The following GCNT2 variants were observed in gnomAD, a reference collection of about 807,000 sequenced individuals.
GCNT2 encodes the protein glucosaminyl (N-acetyl) transferase 2 (I blood group), also known as N-acetyllactosaminide beta-1,6-N-acetylglucosaminyl-transferase.
A neutral mutation model predicts 34.2 loss-of-function variants in GCNT2; 34 were observed. The observed-to-expected ratio is 1.00, with a 90% CI of 0.76 to 1.32. The LOEUF (loss-of-function observed/expected upper bound fraction) is 1.32. Among genes scored for constraint, GCNT2 ranks in the 40% most tolerant of loss-of-function variants. GCNT2 has a pLI of 0.00. For missense variants in GCNT2, 584 were observed against 489.4 expected, an observed-to-expected ratio of 1.19 and a Z score of -1.82; for synonymous variants, 212 against 188.0, an observed-to-expected ratio of 1.13 and a Z score of -1.04.
Position 10,529,537 on chromosome 6 carries a change from G to A in GCNT2, c.626G>A (p.Gly209Glu). The change falls in exon 3 of 5, where the codon GGA (glycine) becomes GAA (glutamate). Residue 209 changes from glycine to glutamate, a missense_variant. Physicochemically the swap from Gly to Glu is moderately conservative, Grantham distance 98 (BLOSUM62 -2). Coordinates refer to ENST00000495262, the MANE Select transcript of GCNT2 (RefSeq NM_145649.5). Reference sequence around the variant, plus strand: ...AGGGAAATAGTTCAGTATCTGAAGGGATTTAAAGGGAAAAATATCACCCCC... The same window carrying A: ...AGGGAAATAGTTCAGTATCTGAAGGAATTTAAAGGGAAAAATATCACCCCC... ...TNREIVQYLKGFKGKNITPGV... is the reference protein window; with the variant it reads ...TNREIVQYLKEFKGKNITPGV... 1.2e-6 allele frequency: 2 copies of A among 1,614,122 alleles called. No homozygotes were observed. The highest frequency in any genetic ancestry group is 8.5e-7 in the Non-Finnish European group (1 of 1,180,002).
At chr6:10,588,323 G>A (rs187790151) in intron 3 of GCNT2, among the ~76,000 whole-genome samples, 38 of 152,300 alleles carry the variant, frequency 2.5e-4, no homozygotes, top group African/African-American at 8.4e-4. Context: ...TACTGCATGC[G>A]TGGCATTTAA....
At chr6:10,623,799 A>G (rs946693350) in intron 4 of GCNT2, among the ~76,000 whole-genome samples, 3 of 152,170 alleles carry the variant, frequency 2.0e-5, no homozygotes, top group Non-Finnish European at 2.9e-5. Context: ...CACCTAAACC[A>G]TGTTGTTTTT....
At chr6:10,537,726 ACAAAAC>A (rs1561784312) in intron 3 of GCNT2, among the ~76,000 whole-genome samples, 22 of 109,688 alleles carry the variant, frequency 2.0e-4, no homozygotes, top group African/African-American at 8.0e-4. Flanking sequence ...AAAAAAAAAA[ACAAAAC>A]AAAGAAAACG....
intron 4 of GCNT2, 53 bp downstream of exon 4, chr6:10,621,496 A>G: frequency 8.7e-7 from 1 of 1,155,100 alleles, no homozygotes. Flanking sequence ...GTTAGCAGGA[A>G]GGTAGCTGTG....
chr6:10,579,341 A>C (rs922301300), intron 3 of GCNT2, among the ~76,000 whole-genome samples: 2 of 152,220 alleles, frequency 1.3e-5, no homozygotes, highest in African/African-American at 4.8e-5. Flanking sequence ...TTTAAATAGA[A>C]TGTGCAGAAT....
At chr6:10,539,935 G>A (rs928663564) in intron 3 of GCNT2, among the ~76,000 whole-genome samples, 8 of 152,158 alleles carry the variant, frequency 5.3e-5, no homozygotes, top group South Asian at 2.1e-4. Flanking sequence ...AAAGTTAACC[G>A]GGCTTGGAGG....
intron 3 of GCNT2, among the ~76,000 whole-genome samples, chr6:10,563,744 A>G (rs1030249146): frequency 1.3e-4 from 6 of 46,746 alleles, no homozygotes; most frequent in African/African-American, 4.1e-4. Flanking sequence ...TCCATCTCAA[A>G]AAAAGAAAAA....
At chr6:10,587,859 G>A (rs1212921438) in intron 3 of GCNT2, among the ~76,000 whole-genome samples, 1 of 152,092 alleles carries the variant, frequency 6.6e-6, no homozygotes, top group African/African-American at 2.4e-5. Flanking sequence ...TGGTTCTCAT[G>A]AGCACAGTGA....
chr6:10,543,035 G>A lies in GCNT2; in HGVS notation c.925+13199G>A, dbSNP rs189674764. 5.3e-3 allele frequency among the ~76,000 whole-genome samples: 802 copies of A among 150,768 alleles called. 22 individuals carry two copies. Among genetic ancestry groups the A allele is most frequent in the Admixed American group, 0.034 (517 of 15,038 alleles). On this transcript the variant is annotated intron_variant, in intron 3 of 4. Transcript: ENST00000495262. ...CGATTCTCCTACCTCAGCCTCCCAA[G>A]TAGCTGGGATTACAGGCATGCGCCA...
intron 3 of GCNT2, among the ~76,000 whole-genome samples, chr6:10,614,015 A>G (rs1765664525): frequency 6.6e-6 from 1 of 152,194 alleles, no homozygotes; most frequent in Non-Finnish European, 1.5e-5. Context: ...GCAACTGGAC[A>G]TTGGCAAGAG....
intron 3 of GCNT2, chr6:10,586,366 T>C: frequency 6.2e-7 from 1 of 1,614,156 alleles, no homozygotes; most frequent in South Asian, 1.1e-5. Context: ...GTCTACTGTG[T>C]TCACGTGGAT....
chr6:10,549,419 G>A (rs534694663), intron 3 of GCNT2, among the ~76,000 whole-genome samples: 5 of 152,232 alleles, frequency 3.3e-5, no homozygotes, highest in African/African-American at 1.2e-4. Context: ...CTCAACTTTA[G>A]TAGACATTGT....
chr6:10,560,265 A>G (rs1172044003), intron 3 of GCNT2, among the ~76,000 whole-genome samples: 2 of 150,436 alleles, frequency 1.3e-5, no homozygotes, highest in Non-Finnish European at 3.0e-5. Context: ...ATTTTTTTGT[A>G]TTTTAGTAGA....
intron 3 of GCNT2, among the ~76,000 whole-genome samples, chr6:10,538,997 A>G (rs1761912634): frequency 6.6e-6 from 1 of 152,146 alleles, no homozygotes; most frequent in Non-Finnish European, 1.5e-5. Flanking sequence ...GCCCAGCTGG[A>G]GTATAGTCAG....
At chr6:10,591,554 C>CAAG (rs1478623583) in intron 3 of GCNT2, among the ~76,000 whole-genome samples, 1 of 152,212 alleles carries the variant, frequency 6.6e-6, no homozygotes, top group African/African-American at 2.4e-5. Flanking sequence ...ATGATGCAGT[C>CAAG]GGATTCTGAT....
chr6:10,597,893 A>T (rs138062483), intron 3 of GCNT2, among the ~76,000 whole-genome samples: 2 of 152,390 alleles, frequency 1.3e-5, no homozygotes, highest in African/African-American at 4.8e-5. Flanking sequence ...AGTAAGGATT[A>T]TGAGCCATGC....
chr6:10,550,637 G>A (rs1423358968), intron 3 of GCNT2, among the ~76,000 whole-genome samples: 1 of 152,070 alleles, frequency 6.6e-6, no homozygotes, highest in Non-Finnish European at 1.5e-5. Context: ...ATGCACCACT[G>A]TGCCTGGCTA....
chr6:10,539,531 G>GC, intron 3 of GCNT2, among the ~76,000 whole-genome samples: 1 of 152,058 alleles, frequency 6.6e-6, no homozygotes, highest in Non-Finnish European at 1.5e-5. Context: ...ATTTCACTGA[G>GC]CCTGATTCTT....
chr6:10,560,767 G>A (rs1029742534), intron 3 of GCNT2, among the ~76,000 whole-genome samples: 3 of 151,890 alleles, frequency 2.0e-5, no homozygotes, highest in Admixed American at 6.6e-5. Context: ...CCTTTCTACT[G>A]AGAGTGACTT....
Sources: allele counts gnomAD v4.1 joint callset (sites outside exome capture counted in the v4.1 genomes callset), GRCh38; gene constraint gnomAD v4.1.1; transcripts MANE v1.5; gene names NCBI Gene and HGNC (gene_info 2026-07-23, HGNC 2026-07-21).